The following WNK2 variants were observed in gnomAD, a reference collection of about 807,000 sequenced individuals.
WNK2 encodes the protein WNK lysine deficient protein kinase 2.
WNK2 carries 67 observed loss-of-function variants against 192.1 expected under a neutral mutation model. The ratio of observed to expected loss-of-function variants is 0.35; its 90% confidence interval spans 0.29 to 0.43. The LOEUF is 0.43. Among genes scored for constraint, WNK2 ranks in the 20% least tolerant of loss-of-function variants. WNK2 has a pLI of 1.00. For synonymous variants in WNK2, 1,439 were observed against 1,393.9 expected (o/e 1.03, Z -0.72); for missense variants, 2,698 against 3,089.7 (o/e 0.87, Z 3.01).
rs1189055692 is a variant in WNK2, at chr9:93,247,337, C to T, written c.1543-206C>T. On this transcript the variant is annotated intron_variant, in intron 7 of 29. Transcript: ENST00000427277. This position sits in a 1 kb window ranked among gnomAD's most constrained non-coding sequence, Gnocchi z 5.2. The stretch of plus-strand genomic sequence containing the variant: ...CTCTGCGGGATGCAGGTCAGGCCTG[C>T]GTGGTGGTGGTCTTTCTTTGCCTTG... Among the ~76,000 whole-genome samples, 2 of 152,200 alleles carry T rather than the reference C, an allele frequency of 1.3e-5. No homozygotes were observed. Among genetic ancestry groups the T allele is most frequent in the Non-Finnish European group, 2.9e-5 (2 of 68,048 alleles).
chr9:93,309,673 T>G (rs945183022), intron 28 of WNK2, among the ~76,000 whole-genome samples: 15 of 152,234 alleles, frequency 9.9e-5, no homozygotes, highest in Non-Finnish European at 2.2e-4. Flanking sequence ...TATTAGCCTA[T>G]TCAAAGAACA....
At chr9:93,271,250 CT>C (rs1204233987) in intron 19 of WNK2, among the ~76,000 whole-genome samples, 3 of 152,222 alleles carry the variant, frequency 2.0e-5, no homozygotes, top group Non-Finnish European at 4.4e-5. Context: ...CAGTCTGAAC[CT>C]AACTAGGTTG....
rs1307104483 is a variant in WNK2 at position 93,268,660 on chromosome 9, G to A, written c.3947G>A (p.Cys1316Tyr). ...ACCGGGAAGAGGTGGTTCATCATCT[G>A]TCCGGTGGCTGAGCACCCCGCCCCC... ...LHTGKRWFII[C>Y]PVAEHPAPEA... Residue 1316 changes from cysteine (C) to tyrosine (Y), a missense_variant, in exon 19 of 30, where the codon TGT becomes TAT. Around this residue, in one of 7 missense-constraint regions of WNK2, gnomAD observed 1,098 missense variants for 1,101.0 expected, o/e 1.00. Coordinates refer to ENST00000427277, the MANE Select transcript of WNK2 (RefSeq NM_006648.4). The A allele has an allele frequency of 6.2e-7, 1 of 1,613,418 alleles. No individual in the cohort carries two copies. Among genetic ancestry groups the A allele is most frequent in the Non-Finnish European group, 8.5e-7 (1 of 1,179,810 alleles).
rs1335797162 is a variant in WNK2 at position 93,259,326 on chromosome 9, T to G, written c.2778T>G (p.Pro926=). ...FPQMAPTDVP[P]SPHHTVQNMR... ...AGATGGCGCCTACTGACGTCCCTCCTTCCCCCCATCACACGGTGCAGAATA... is the reference window on the plus strand; with the variant it reads ...AGATGGCGCCTACTGACGTCCCTCCGTCCCCCCATCACACGGTGCAGAATA... Residue 926 remains proline (P), a synonymous_variant, in exon 12 of 30, where the codon CCT becomes CCG. Coordinates refer to ENST00000427277, the MANE Select transcript of WNK2 (RefSeq NM_006648.4). The surrounding 1 kb of genome is among the most constrained non-coding windows in gnomAD (Gnocchi z 4.8). The G allele has an allele frequency of 1.2e-6, 2 of 1,613,148 alleles. No individual in the cohort carries two copies. Among genetic ancestry groups the G allele is most frequent in the Non-Finnish European group, 1.7e-6 (2 of 1,179,660 alleles).
chr9:93,229,152 C>G lies in WNK2; in HGVS notation c.682-544C>G, dbSNP rs991111476. 1.3e-5 allele frequency among the ~76,000 whole-genome samples: 2 copies of G among 152,110 alleles called. No individual in the cohort carries two copies. The highest frequency in any genetic ancestry group is 6.5e-5 in the Admixed American group (1 of 15,272). ...GGGTCTGGGGAGGTGTCTGCTGTGTCCTCCTGCACAGGAGGGCCTGGGCTG... is the reference window on the plus strand; with the variant it reads ...GGGTCTGGGGAGGTGTCTGCTGTGTGCTCCTGCACAGGAGGGCCTGGGCTG... On this transcript the variant is annotated intron_variant, in intron 2 of 29. Coordinates refer to ENST00000427277, the MANE Select transcript of WNK2 (RefSeq NM_006648.4). The surrounding 1 kb of genome is among the most constrained non-coding windows in gnomAD (Gnocchi z 4.9).
chr9:93,273,971 A>G (rs1201382398), intron 19 of WNK2, among the ~76,000 whole-genome samples: 1 of 152,212 alleles, frequency 6.6e-6, no homozygotes. Flanking sequence ...GGAAATTTAT[A>G]GTACTAAAAT....
intron 4 of WNK2, among the ~76,000 whole-genome samples, chr9:93,231,626 T>TGGGGAATCCACATACCTGC (rs1382131579): frequency 6.6e-6 from 1 of 152,178 alleles, no homozygotes; most frequent in Non-Finnish European, 1.5e-5. Flanking sequence ...TTGGAGTATC[T>TGGGGAATCCACATACCTGC]GGGGAATCCA....
chr9:93,260,739 G>A (rs879405364), intron 12 of WNK2, among the ~76,000 whole-genome samples: 9 of 152,226 alleles, frequency 5.9e-5, no homozygotes, highest in Non-Finnish European at 8.8e-5. Context: ...CAGTGAGTGG[G>A]AAGAATCGCA....
At chr9:93,185,752 G>C (rs1196737245) in intron 2 of WNK2, 142 bp downstream of exon 2, 2 of 1,026,258 alleles carry the variant, frequency 1.9e-6, no homozygotes, top group African/African-American at 1.6e-5. Context: ...TGTGTGGATG[G>C]CTGGCAGGAT....
At chr9:93,215,310 A>G (rs7046965) in intron 2 of WNK2, among the ~76,000 whole-genome samples, 23,523 of 151,958 alleles carry the variant, frequency 0.15, 1,904 homozygotes, top group South Asian at 0.29. Flanking sequence ...CAGTTTCGTC[A>G]TGTTGGCCAG....
At chr9:93,215,390 G>T (rs752292224) in intron 2 of WNK2, among the ~76,000 whole-genome samples, 2 of 152,104 alleles carry the variant, frequency 1.3e-5, no homozygotes, top group Non-Finnish European at 2.9e-5. Flanking sequence ...GATTACAGGC[G>T]CATGAGCCAC....
intron 21 of WNK2, among the ~76,000 whole-genome samples, chr9:93,290,717 G>T (rs531383326): frequency 1.3e-4 from 20 of 152,324 alleles, no homozygotes; most frequent in African/African-American, 4.3e-4. Flanking sequence ...CAGTGCGGTG[G>T]GGGGGGCGCT....
chr9:93,222,111 C>T (rs1432801188), intron 2 of WNK2, among the ~76,000 whole-genome samples: 1 of 120,702 alleles, frequency 8.3e-6, no homozygotes, highest in African/African-American at 2.6e-5. Flanking sequence ...GGCAGGGTCC[C>T]AGGTGGCCTT....
chr9:93,215,966 A>G (rs1835665726), intron 2 of WNK2, among the ~76,000 whole-genome samples: 1 of 152,084 alleles, frequency 6.6e-6, no homozygotes, highest in Non-Finnish European at 1.5e-5. Flanking sequence ...TTTACTTTTT[A>G]CCGCCTCTAG....
chr9:93,203,779 C>T (rs993373440), intron 2 of WNK2, among the ~76,000 whole-genome samples: 6 of 152,208 alleles, frequency 3.9e-5, no homozygotes, highest in South Asian at 2.1e-4. Context: ...CGAGGCATCT[C>T]GAACTGTGAG....
intron 1 of WNK2, among the ~76,000 whole-genome samples, chr9:93,184,654 A>AGCT (rs1179959646): frequency 1.3e-5 from 2 of 151,674 alleles, no homozygotes; most frequent in East Asian, 3.9e-4. Flanking sequence ...ACACCCTAGC[A>AGCT]GGTCCTCTCT....
chr9:93,190,837 G>T (rs1830213094), intron 2 of WNK2, among the ~76,000 whole-genome samples: 1 of 152,212 alleles, frequency 6.6e-6, no homozygotes, highest in Admixed American at 6.5e-5. Flanking sequence ...TTGATCTTGG[G>T]CCCTCCTCTA....
At chr9:93,213,891 G>A (rs1835234903) in intron 2 of WNK2, among the ~76,000 whole-genome samples, 1 of 152,202 alleles carries the variant, frequency 6.6e-6, no homozygotes, top group Admixed American at 6.5e-5. Flanking sequence ...TTACCACATC[G>A]TGGGCAGTAT....
Position 93,268,010 on chromosome 9 carries a change from C to A in WNK2, c.3868-10C>A. 6.2e-7 allele frequency: 1 copy of A among 1,611,246 alleles called. No individual in the cohort carries two copies. The highest frequency in any genetic ancestry group is 8.5e-7 in the Non-Finnish European group (1 of 1,178,902). On this transcript the variant is annotated splice_polypyrimidine_tract_variant and intron_variant, in intron 17 of 29. Transcript: ENST00000427277. Reference sequence around the variant, plus strand: ...CAGTGGGCTCATTTCTGACCCTCCACCTCATTCAGGAGAGCCGACAATCCC... The same window carrying A: ...CAGTGGGCTCATTTCTGACCCTCCAACTCATTCAGGAGAGCCGACAATCCC...
Sources: allele counts gnomAD v4.1 joint callset (sites outside exome capture counted in the v4.1 genomes callset), GRCh38; gene constraint gnomAD v4.1.1; regional missense constraint gnomAD v4.1.1; non-coding constraint Gnocchi (gnomAD v3.1); transcripts MANE v1.5; gene names NCBI Gene and HGNC (gene_info 2026-07-23, HGNC 2026-07-21).